Variants in NDUFV3 observed in about 807,000 individuals in gnomAD.
NDUFV3 encodes NADH:ubiquinone oxidoreductase subunit V3, also known as NADH dehydrogenase [ubiquinone] flavoprotein 3, mitochondrial.
In NDUFV3, 44 loss-of-function variants were observed where a neutral mutation model predicts 37.5. That is an observed-to-expected ratio of 1.17 (90% confidence interval 0.92 to 1.51). NDUFV3 has a LOEUF of 1.51. Among genes scored for constraint, NDUFV3 ranks in the 40% most tolerant of loss-of-function variants. The pLI is 0.00. For missense variants in NDUFV3, 580 were observed against 580.4 expected (o/e 1.00, Z 0.01); for synonymous variants, 235 against 239.3 (o/e 0.98, Z 0.17).
intron 2 of NDUFV3, among the ~76,000 whole-genome samples, chr21:42,898,335 TGCAGTG>T (rs1408353010): frequency 6.6e-6 from 1 of 152,152 alleles, no homozygotes; most frequent in East Asian, 1.9e-4. Context: ...CAGGCTGGAG[TGCAGTG>T]GCACAGTCAT....
chr21:42,909,410 G>A lies in NDUFV3; in HGVS notation c.*389G>A, dbSNP rs544061259. On this transcript the variant is annotated 3_prime_UTR_variant, in exon 4 of 4. Coordinates refer to ENST00000354250, the MANE Select transcript of NDUFV3 (RefSeq NM_021075.4). ...GCCCACCTCCGCCTCCCAAAGTGCT[G>A]GGATTACAGGCGTGAGCCACTGCGC... The A allele has an allele frequency of 2.2e-4, 65 of 301,550 alleles. No individual in the cohort carries two copies. The highest frequency in any genetic ancestry group is 7.9e-4 in the Admixed American group (17 of 21,470). The allele number at this position is 301,550 out of a possible 1,614,324, so 18.7% of individuals were successfully genotyped here. A position where few individuals can be genotyped will look rare whatever the true frequency, so the allele number is the denominator to read the frequency against.
In NDUFV3 at chr21:42,910,612, G is replaced by T. The variant is rs902939008; in HGVS notation, c.*1591G>T. 6.5e-6 allele frequency: 1 copy of T among 154,062 alleles called. No individual in the cohort carries two copies. The highest frequency in any genetic ancestry group is 2.5e-5 in the African/African-American group (1 of 39,988). 9.5% of individuals were successfully genotyped at this position (154,062 alleles called of 1,614,324 possible). A position where few individuals can be genotyped will look rare whatever the true frequency, so the allele number is the denominator to read the frequency against. On this transcript the variant is annotated 3_prime_UTR_variant, in exon 4 of 4. Coordinates refer to ENST00000354250, the MANE Select transcript of NDUFV3 (RefSeq NM_021075.4). ...AGTAGGAAGAGGTGAAGTTTCGTGCGGTGCAGGGACGGAGTAGGAAGAGGT... is the reference window on the plus strand; with the variant it reads ...AGTAGGAAGAGGTGAAGTTTCGTGCTGTGCAGGGACGGAGTAGGAAGAGGT...
Position 42,897,878 on chromosome 21 carries a change from A to G in NDUFV3, c.169+831A>G, listed in dbSNP as rs11700600. 7.8e-3 allele frequency among the ~76,000 whole-genome samples: 1,183 copies of G among 151,052 alleles called. 21 individuals are homozygous for G. Among genetic ancestry groups the G allele is most frequent in the Non-Finnish European group, 7.5e-3 (506 of 67,814 alleles). On this transcript the variant is annotated intron_variant, in intron 2 of 3. Transcript: ENST00000354250. Reference sequence around the variant, plus strand: ...TTTTTAGTAGAGGTGGGGTTTCACCATGTTAGCCGGGATGGTCTTGATCTC... The same window carrying G: ...TTTTTAGTAGAGGTGGGGTTTCACCGTGTTAGCCGGGATGGTCTTGATCTC...
chr21:42,904,491 C>CT (rs11321406), intron 3 of NDUFV3, among the ~76,000 whole-genome samples: 45,920 of 125,806 alleles, frequency 0.37, 9,326 homozygotes, highest in African/African-American at 0.45. Context: ...ATTTAACGTT[C>CT]TTTTTTTTTT....
At chr21:42,898,094 T>A (rs78926712) in intron 2 of NDUFV3, among the ~76,000 whole-genome samples, 9,539 of 152,282 alleles carry the variant, frequency 0.063, 350 homozygotes, top group East Asian at 0.13. Flanking sequence ...TTTGTTTTCT[T>A]CCTCCTTGGT....
intron 2 of NDUFV3, among the ~76,000 whole-genome samples, chr21:42,902,783 C>T (rs1200262200): frequency 1.3e-5 from 2 of 152,264 alleles, no homozygotes; most frequent in Non-Finnish European, 2.9e-5. Context: ...TAGGCCACCC[C>T]TCCCACCAGG....
intron 3 of NDUFV3, among the ~76,000 whole-genome samples, chr21:42,905,952 C>T (rs1022345114): frequency 4.0e-5 from 6 of 151,894 alleles, no homozygotes; most frequent in Non-Finnish European, 7.4e-5. Context: ...CCGGCTCCAC[C>T]TCCCACGTAC....
At chr21:42,908,392 T>G (rs1203349811) in intron 3 of NDUFV3, among the ~76,000 whole-genome samples, 3 of 152,258 alleles carry the variant, frequency 2.0e-5, no homozygotes, top group African/African-American at 7.2e-5. Flanking sequence ...AGTAATATCT[T>G]TCTTTTTCTT....
Position 42,903,755 on chromosome 21 carries a change from C to T in NDUFV3, c.743C>T (p.Thr248Ile), listed in dbSNP as rs370627240. 1.6e-4 allele frequency: 251 copies of T among 1,614,202 alleles called. 3 individuals carry two copies. The South Asian group carries it at 2.2e-3, about 14-fold the overall frequency. The stretch of plus-strand genomic sequence containing the variant: ...AGGGAAAATGCGAGACCAAAAACCA[C>T]AATGCCCAGATCTCAAGTAGATGAA... The part of the protein sequence containing the change: ...EGRENARPKT[T>I]MPRSQVDEEF... Residue 248 changes from threonine to isoleucine, a missense_variant, in exon 3 of 4, where the codon ACA becomes ATA. Transcript: ENST00000354250.
At chr21:42,901,493 C>T (rs111828680) in intron 2 of NDUFV3, among the ~76,000 whole-genome samples, 8,515 of 150,912 alleles carry the variant, frequency 0.056, 344 homozygotes, top group Non-Finnish European at 0.088. Context: ...ACCAGCTACT[C>T]GGGAGGCTGA....
chr21:42,896,600 G>A (rs561846482), intron 1 of NDUFV3, among the ~76,000 whole-genome samples: 127 of 151,454 alleles, frequency 8.4e-4, no homozygotes, highest in Non-Finnish European at 1.3e-3. Context: ...TCAGGAGGCC[G>A]GGGCTTCAGG....
intron 2 of NDUFV3, among the ~76,000 whole-genome samples, chr21:42,900,708 T>C (rs984394884): frequency 1.3e-5 from 2 of 152,200 alleles, no homozygotes; most frequent in African/African-American, 4.8e-5. Flanking sequence ...GTTTCCTGCA[T>C]GCAAGTGAGG....
In NDUFV3 at chr21:42,893,313, G is replaced by C. The variant is rs986606499; in HGVS notation, c.-21G>C. 6.5e-7 allele frequency: 1 copy of C among 1,537,282 alleles called. No homozygotes were observed. The highest frequency in any genetic ancestry group is 1.2e-5 in the South Asian group (1 of 83,934). On this transcript the variant is annotated 5_prime_UTR_variant, in exon 1 of 4. Transcript: ENST00000354250. ...GCGCGCAGCTGCTGTGGCCCTGCTTGGTGCGCCCGCTGTCACCGCCATGGC... is the reference window on the plus strand; with the variant it reads ...GCGCGCAGCTGCTGTGGCCCTGCTTCGTGCGCCCGCTGTCACCGCCATGGC...
chr21:42,900,302 G>A (rs2058713158), intron 2 of NDUFV3, among the ~76,000 whole-genome samples: 1 of 152,068 alleles, frequency 6.6e-6, no homozygotes, highest in Non-Finnish European at 1.5e-5. Flanking sequence ...AGGAGTTCGA[G>A]AACAGCCTGG....
Position 42,893,368 on chromosome 21 carries a change from C to T in NDUFV3, c.35C>T (p.Ala12Val). 3 of 1,537,904 alleles carry T rather than the reference C, an allele frequency of 2.0e-6. No individual in the cohort carries two copies. The highest frequency in any genetic ancestry group is 2.6e-6 in the Non-Finnish European group (3 of 1,146,398). Residue 12 changes from alanine (A) to valine (V), a missense_variant, in exon 1 of 4, where the codon GCC (alanine) becomes GTC (valine). Coordinates refer to ENST00000354250, the MANE Select transcript of NDUFV3 (RefSeq NM_021075.4). ...CCGTGTTTGCTGCGGCAAGGACGAG[C>T]CGGGGCGCTGAAGGTAAAGGAGGAG... ...AAPCLLRQGR[A>V]GALKTMLQEA...
chr21:42,908,210 G>A (rs575805238), intron 3 of NDUFV3, among the ~76,000 whole-genome samples: 101 of 152,162 alleles, frequency 6.6e-4, no homozygotes, highest in Admixed American at 1.5e-3. Flanking sequence ...GGGAGACTGA[G>A]GCAGGAGAAT....
Position 42,903,192 on chromosome 21 carries a change from A to G in NDUFV3, c.180A>G (p.Glu60=), listed in dbSNP as rs556881146. Residue 60 remains glutamate, a synonymous_variant, in exon 3 of 4, where the codon GAA becomes GAG. Coordinates refer to ENST00000354250, the MANE Select transcript of NDUFV3 (RefSeq NM_021075.4). ...KKQSPPKNVV[E]PKERGKLLAT... ...TATGCCGTTTCCCAGATGTAGTGGAACCAAAGGAGAGGGGCAAGCTCCTAG... is the reference window on the plus strand; with the variant it reads ...TATGCCGTTTCCCAGATGTAGTGGAGCCAAAGGAGAGGGGCAAGCTCCTAG... 2 of 1,614,142 alleles carry G rather than the reference A, an allele frequency of 1.2e-6. No individual in the cohort carries two copies. Among genetic ancestry groups the G allele is most frequent in the Non-Finnish European group, 1.7e-6 (2 of 1,180,032 alleles).
Position 42,903,541 on chromosome 21 carries a change from G to C in NDUFV3, c.529G>C (p.Val177Leu). The change falls in exon 3 of 4, where the codon GTG becomes CTG. Residue 177 changes from valine to leucine, a missense_variant. Physicochemically the swap from Val to Leu is conservative, Grantham distance 32. Coordinates refer to ENST00000354250, the MANE Select transcript of NDUFV3 (RefSeq NM_021075.4). ...EADVSEVTPR[V>L]VSKGRGGLRK... ...TGACGTTTCAGAGGTCACTCCTCGA[G>C]TGGTGAGCAAAGGCAGAGGGGGGCT... The C allele has an allele frequency of 6.2e-7, 1 of 1,614,136 alleles. No individual in the cohort carries two copies. The highest frequency in any genetic ancestry group is 8.5e-7 in the Non-Finnish European group (1 of 1,180,030).
intron 3 of NDUFV3, among the ~76,000 whole-genome samples, chr21:42,904,873 C>T (rs1173889406): frequency 6.6e-6 from 1 of 151,504 alleles, no homozygotes; most frequent in African/African-American, 2.4e-5. Context: ...TCACTGCAAC[C>T]TCTGCCTCCC....
Sources: allele counts gnomAD v4.1 joint callset (sites outside exome capture counted in the v4.1 genomes callset), GRCh38; gene constraint gnomAD v4.1.1; transcripts MANE v1.5; gene names NCBI Gene and HGNC (gene_info 2026-07-23, HGNC 2026-07-21).